ANKRD13B: variants seen among roughly 807,000 people sequenced by gnomAD.
ANKRD13B encodes ankyrin repeat domain 13B.
Under a neutral mutation model 74.4 loss-of-function variants are expected in ANKRD13B, and 33 were observed. The ratio of observed to expected loss-of-function variants is 0.44; its 90% CI spans 0.34 to 0.59. ANKRD13B has a LOEUF of 0.59. ANKRD13B is among the 20% of genes least tolerant of loss of function. The pLI is 0.02. For synonymous variants in ANKRD13B, 341 were observed against 362.9 expected, an observed-to-expected ratio of 0.94 and a Z score of 0.68; for missense variants, 676 against 877.9, an observed-to-expected ratio of 0.77 and a Z score of 2.91.
chr17:29,610,804 G>T (rs1402245652), intron 8 of ANKRD13B, 38 bp downstream of exon 8: 2 of 1,601,368 alleles, frequency 1.2e-6, no homozygotes, highest in Non-Finnish European at 1.7e-6. Context: ...GGTGTTGCAG[G>T]ACTGCGGGAA....
chr17:29,597,228 TA>T (rs2033986160), intron 1 of ANKRD13B, among the ~76,000 whole-genome samples: 1 of 152,192 alleles, frequency 6.6e-6, no homozygotes, highest in Non-Finnish European at 1.5e-5. Flanking sequence ...CTGCTCATGC[TA>T]AAGGAGTTTG....
In ANKRD13B at chr17:29,609,439, A is replaced by G. The variant is rs2034501132; in HGVS notation, c.822+18A>G. On this transcript the variant is annotated intron_variant, in intron 7 of 14. Coordinates refer to ENST00000394859, the MANE Select transcript of ANKRD13B (RefSeq NM_152345.5). The surrounding 1 kb of genome is among the most constrained non-coding windows in gnomAD (Gnocchi z 4.0). ...AAGCTAAGGTGAGGCTGCAGCTCCCAGCTGCCAGCCCAGCTGCACTCTTGC... is the reference window on the plus strand; with the variant it reads ...AAGCTAAGGTGAGGCTGCAGCTCCCGGCTGCCAGCCCAGCTGCACTCTTGC... 1 of 1,612,660 alleles carries G rather than the reference A, an allele frequency of 6.2e-7. No homozygotes were observed. The highest frequency in any genetic ancestry group is 8.5e-7 in the Non-Finnish European group (1 of 1,179,802).
In ANKRD13B at chr17:29,609,226, G is replaced by A. The variant is rs1250864843; in HGVS notation, c.706G>A (p.Ala236Thr). 9 of 1,612,924 alleles carry A rather than the reference G, an allele frequency of 5.6e-6. No individual in the cohort carries two copies. Among genetic ancestry groups the A allele is most frequent in the Non-Finnish European group, 6.8e-6 (8 of 1,179,930 alleles). Reference sequence around the variant, plus strand: ...GGAACAGGTGCTGAGCCGGCTTACCGCGCCCGTCGTCACCACTCAGCTTGA... The same window carrying A: ...GGAACAGGTGCTGAGCCGGCTTACCACGCCCGTCGTCACCACTCAGCTTGA... ...TEEQVLSRLT[A>T]PVVTTQLDTK... Residue 236 changes from alanine (A) to threonine (T), a missense_variant, in exon 6 of 15, where the codon GCG becomes ACG. Physicochemically the swap from Ala to Thr is moderately conservative, Grantham distance 58 (BLOSUM62 0). Around this residue, in one of 4 missense-constraint regions of ANKRD13B, gnomAD observed 328 missense variants for 518.4 expected, o/e 0.63. Coordinates refer to ENST00000394859, the MANE Select transcript of ANKRD13B (RefSeq NM_152345.5). This position sits in a 1 kb window ranked among gnomAD's most constrained non-coding sequence, Gnocchi z 4.0.
Position 29,612,734 on chromosome 17 carries a change from G to A in ANKRD13B, c.1494G>A (p.Ala498=), listed in dbSNP as rs985758533. The A allele has an allele frequency of 1.9e-5, 31 of 1,601,070 alleles. No individual in the cohort carries two copies. The highest frequency in any genetic ancestry group is 1.7e-4 in the Middle Eastern group (1 of 6,052). Residue 498 remains alanine, a synonymous_variant, in exon 13 of 15, where the codon GCG becomes GCA. Coordinates refer to ENST00000394859, the MANE Select transcript of ANKRD13B (RefSeq NM_152345.5). This position sits in a 1 kb window ranked among gnomAD's most constrained non-coding sequence, Gnocchi z 6.1. ...GCATGATGGGCGGCCAGCGGGAGGC[G>A]GCGACCCGGGACGACGACGACGACC... ...GYSMMGGQRE[A]ATRDDDDDLL...
intron 1 of ANKRD13B, among the ~76,000 whole-genome samples, chr17:29,600,322 G>A (rs769122853): frequency 4.6e-5 from 7 of 152,206 alleles, no homozygotes; most frequent in Non-Finnish European, 5.9e-5. Flanking sequence ...GTGATCAGGT[G>A]GCAGGCTGGC....
In ANKRD13B at chr17:29,612,828, G is replaced by C; in HGVS notation, c.1575+13G>C. On this transcript the variant is annotated intron_variant, in intron 13 of 14. Transcript: ENST00000394859. The surrounding 1 kb of genome is among the most constrained non-coding windows in gnomAD (Gnocchi z 6.1). Reference sequence around the variant, plus strand: ...TGAGTATGACCAGGTGCGTCTCCGCGGGCGCGCGGGGCCACGGGACTCCGC... The same window carrying C: ...TGAGTATGACCAGGTGCGTCTCCGCCGGCGCGCGGGGCCACGGGACTCCGC... 1.2e-6 allele frequency: 2 copies of C among 1,600,092 alleles called. No individual in the cohort carries two copies. Among genetic ancestry groups the C allele is most frequent in the Non-Finnish European group, 1.7e-6 (2 of 1,178,166 alleles).
chr17:29,593,895 A>ATGGGAGCGGGCCCTGCCCGC (rs150249107), intron 1 of ANKRD13B, 160 bp downstream of exon 1: 176,455 of 311,768 alleles, frequency 0.57, 50,523 homozygotes, highest in East Asian at 0.67. Flanking sequence ...GGAAAGGGTG[A>ATGGGAGCGGGCCCTGCCCGC]TCCCCTCCGG....
At chr17:29,594,362 T>C (rs1331551949) in intron 1 of ANKRD13B, among the ~76,000 whole-genome samples, 1 of 152,096 alleles carries the variant, frequency 6.6e-6, no homozygotes, top group African/African-American at 2.4e-5. Context: ...GGGCCTGGTT[T>C]CTAGGCGCAG....
rs776591754 is a variant in ANKRD13B, at chr17:29,608,962, G to A, written c.533G>A (p.Arg178Gln). The change falls in exon 5 of 15, where the codon CGA becomes CAA. Residue 178 changes from arginine to glutamine, a missense_variant. Coordinates refer to ENST00000394859, the MANE Select transcript of ANKRD13B (RefSeq NM_152345.5). The surrounding 1 kb of genome is among the most constrained non-coding windows in gnomAD (Gnocchi z 6.4). Reference protein sequence around the residue: ...LLGFDHMTWQRGNRSFVFRGQ... With the variant: ...LLGFDHMTWQQGNRSFVFRGQ... ...GGCTTTGACCACATGACCTGGCAGC[G>A]AGGGAACCGCAGCTTTGTCTTCAGG... 1.2e-6 allele frequency: 2 copies of A among 1,614,130 alleles called. No individual in the cohort carries two copies. The highest frequency in any genetic ancestry group is 8.5e-7 in the Non-Finnish European group (1 of 1,180,036).
chr17:29,609,098 T>G lies in ANKRD13B; in HGVS notation c.578T>G (p.Val193Gly). 2 of 1,610,798 alleles carry G rather than the reference T, an allele frequency of 1.2e-6. No individual in the cohort carries two copies. The highest frequency in any genetic ancestry group is 1.7e-6 in the Non-Finnish European group (2 of 1,179,662). Residue 193 changes from valine (V) to glycine (G), a missense_variant, in exon 6 of 15, where the codon GTG becomes GGG. Around this residue, in one of 4 missense-constraint regions of ANKRD13B, gnomAD observed 328 missense variants for 518.4 expected, o/e 0.63. Transcript: ENST00000394859. The surrounding 1 kb of genome is among the most constrained non-coding windows in gnomAD (Gnocchi z 4.0). ...CCGTGTCTGGCAGACACAAGCGCCGTGGTCATGGAGATTGACCACGACCGC... is the reference window on the plus strand; with the variant it reads ...CCGTGTCTGGCAGACACAAGCGCCGGGGTCATGGAGATTGACCACGACCGC... ...FVFRGQDTSAVVMEIDHDRRV... is the reference protein window; with the variant it reads ...FVFRGQDTSAGVMEIDHDRRV...
intron 1 of ANKRD13B, among the ~76,000 whole-genome samples, chr17:29,605,283 A>G (rs2034327608): frequency 6.6e-6 from 1 of 152,096 alleles, no homozygotes; most frequent in South Asian, 2.1e-4. Flanking sequence ...CCAGGCAGAA[A>G]TCCAGGGATG....
chr17:29,594,042 T>G, intron 1 of ANKRD13B: 1 of 168,582 alleles, frequency 5.9e-6, no homozygotes, highest in African/African-American at 2.4e-5. Context: ...GGTGGGAGAG[T>G]CCGCCCCAGC....
chr17:29,599,882 T>TG (rs1297827452), intron 1 of ANKRD13B, among the ~76,000 whole-genome samples: 1 of 131,536 alleles, frequency 7.6e-6, no homozygotes, highest in East Asian at 2.1e-4. Flanking sequence ...TTTTTTTTTT[T>TG]TTTTTTTTTT....
intron 1 of ANKRD13B, among the ~76,000 whole-genome samples, chr17:29,597,480 C>T (rs2033994646): frequency 6.6e-6 from 1 of 151,838 alleles, no homozygotes; most frequent in Non-Finnish European, 1.5e-5. Flanking sequence ...TGCCCAGGGA[C>T]CCCCAGCTAC....
chr17:29,604,720 T>A (rs182000166), intron 1 of ANKRD13B, among the ~76,000 whole-genome samples: 57 of 151,820 alleles, frequency 3.8e-4, no homozygotes, highest in African/African-American at 1.2e-3. Context: ...TTTTTGTATT[T>A]TTAGTAGAGA....
intron 1 of ANKRD13B, among the ~76,000 whole-genome samples, chr17:29,598,104 C>G (rs1291700080): frequency 6.6e-6 from 1 of 152,110 alleles, no homozygotes; most frequent in Non-Finnish European, 1.5e-5. Flanking sequence ...AGGACCCCAC[C>G]CAGGTTGCAA....
intron 1 of ANKRD13B, among the ~76,000 whole-genome samples, chr17:29,603,734 C>A (rs1242487183): frequency 6.6e-6 from 1 of 152,010 alleles, no homozygotes; most frequent in Non-Finnish European, 1.5e-5. Flanking sequence ...CTTTTTTATA[C>A]CTCTCATTCC....
intron 1 of ANKRD13B, among the ~76,000 whole-genome samples, chr17:29,594,998 C>T (rs1406707215): frequency 6.6e-6 from 1 of 152,222 alleles, no homozygotes; most frequent in Non-Finnish European, 1.5e-5. Flanking sequence ...TGCGAGTGAC[C>T]TGTGCCCGCA....
Position 29,611,556 on chromosome 17 carries a change from C to T in ANKRD13B, c.905-23C>T, listed in dbSNP as rs1482285952. 1 of 1,613,434 alleles carries T rather than the reference C, an allele frequency of 6.2e-7. No homozygotes were observed. The highest frequency in any genetic ancestry group is 1.3e-5 in the African/African-American group (1 of 74,920). Reference sequence around the variant, plus strand: ...GGTGTGTGTGGAGTTGCGGTGTCCTCTGAGATGCCACATTTCTTGTAGGCT... The same window carrying T: ...GGTGTGTGTGGAGTTGCGGTGTCCTTTGAGATGCCACATTTCTTGTAGGCT... On this transcript the variant is annotated intron_variant, in intron 8 of 14. Transcript: ENST00000394859. The surrounding 1 kb of genome is among the most constrained non-coding windows in gnomAD (Gnocchi z 4.3).
Sources: allele counts gnomAD v4.1 joint callset (sites outside exome capture counted in the v4.1 genomes callset), GRCh38; gene constraint gnomAD v4.1.1; regional missense constraint gnomAD v4.1.1; non-coding constraint Gnocchi (gnomAD v3.1); transcripts MANE v1.5; gene names NCBI Gene and HGNC (gene_info 2026-07-23, HGNC 2026-07-21).